Variants in HEXB observed in about 807,000 individuals in gnomAD.
The protein encoded by HEXB is hexosaminidase subunit beta, also known as beta-hexosaminidase subunit beta.
HEXB carries 51 observed loss-of-function variants against 71.2 expected under a neutral mutation model. The observed-to-expected ratio is 0.72, with a 90% CI of 0.57 to 0.90. HEXB has a LOEUF of 0.90. HEXB is among the 40% of genes least tolerant of loss of function. The pLI is 0.00. For missense variants in HEXB, 617 were observed against 677.0 expected (o/e 0.91, Z 0.98); for synonymous variants, 266 against 249.3 (o/e 1.07, Z -0.63).
intron 5 of HEXB, among the ~76,000 whole-genome samples, chr5:74,701,153 G>A (rs1232987482): frequency 6.6e-6 from 1 of 151,916 alleles, no homozygotes; most frequent in Non-Finnish European, 1.5e-5. Flanking sequence ...AAAGTGCTGG[G>A]ATTACAGGCA....
intron 1 of HEXB, among the ~76,000 whole-genome samples, chr5:74,674,342 G>A (rs1465295385): frequency 2.0e-5 from 3 of 152,112 alleles, no homozygotes; most frequent in East Asian, 1.9e-4. Flanking sequence ...GGTGGCTCAA[G>A]CCTGTAATCC....
intron 1 of HEXB, among the ~76,000 whole-genome samples, chr5:74,645,434 T>C (rs542425669): frequency 6.6e-6 from 1 of 152,330 alleles, no homozygotes; most frequent in Admixed American, 6.5e-5. Flanking sequence ...TACAATTGAC[T>C]TTTGTATTAT....
intron 1 of HEXB, among the ~76,000 whole-genome samples, chr5:74,661,479 C>T: frequency 6.7e-6 from 1 of 150,136 alleles, no homozygotes; most frequent in East Asian, 2.0e-4. Flanking sequence ...AGTGGTGTTA[C>T]AACAAAGAAG....
intron 4 of HEXB, 71 bp from the exon 5 acceptor site, chr5:74,696,925 A>G: frequency 3.6e-6 from 3 of 844,930 alleles, no homozygotes; most frequent in Non-Finnish European, 6.0e-6. Context: ...TTGTATAAAT[A>G]GATTTAGTCT....
intron 10 of HEXB, 45 bp downstream of exon 10, chr5:74,718,408 T>A: frequency 7.2e-7 from 1 of 1,394,092 alleles, no homozygotes; most frequent in Non-Finnish European, 1.0e-6. Context: ...AGAGACTTAA[T>A]TATTTTTCTT....
chr5:74,716,502 A>G (rs1749675872), intron 8 of HEXB, 85 bp from the exon 9 acceptor site: 1 of 774,078 alleles, frequency 1.3e-6, no homozygotes, highest in Non-Finnish European at 2.3e-6. Flanking sequence ...AGTCTGCACA[A>G]CTGATGTTAG....
intron 1 of HEXB, among the ~76,000 whole-genome samples, chr5:74,649,347 CT>C (rs112494323): frequency 1.7e-4 from 26 of 152,320 alleles, no homozygotes; most frequent in African/African-American, 6.0e-4. Flanking sequence ...TGGACAGGGA[CT>C]CATTTGTCCA....
intron 6 of HEXB, 176 bp downstream of exon 6, chr5:74,705,496 T>G: frequency 1.7e-6 from 1 of 605,104 alleles, no homozygotes; most frequent in Non-Finnish European, 2.9e-6. Context: ...CTTTTTTTGT[T>G]ATTGTTATAA....
rs1454404113 is a variant in HEXB at position 74,685,292 on chromosome 5, C to G, written c.32C>G (p.Pro11Arg). MELCGLGLPR[P>R]PMLLALLLAT... ...CTGTGCGGGCTGGGGCTGCCCCGGC[C>G]GCCCATGCTGCTGGCGCTGCTGTTG... Residue 11 changes from proline to arginine, a missense_variant, in exon 1 of 14, where the codon CCG (proline) becomes CGG (arginine). Physicochemically the swap from Pro to Arg is moderately radical, Grantham distance 103. Transcript: ENST00000261416. The G allele has an allele frequency of 6.4e-7, 1 of 1,552,868 alleles. No individual in the cohort carries two copies. The highest frequency in any genetic ancestry group is 8.7e-7 in the Non-Finnish European group (1 of 1,153,876).
rs189285712 is a variant in HEXB at position 74,664,083 on chromosome 5, C to T, written c.-377+23525C>T. On this transcript the variant is annotated intron_variant, in intron 1 of 13. Coordinates refer to the HEXB transcript ENST00000511181. ...CCAGGCTGACTAACATGGTGAAACC[C>T]CGTCTCTACTAAATAAAAAAAAATT... Among the ~76,000 whole-genome samples, 35 of 152,046 alleles carry T rather than the reference C, an allele frequency of 2.3e-4. No homozygotes were observed. The East Asian group carries it at 4.1e-3, about 18-fold the overall frequency.
rs201521887 is a variant in HEXB at position 74,715,505 on chromosome 5, T to G, written c.902-5T>G. ...TTTAAAAAGAATCTTAATATTTTCT[T>G]CTAGGTCAGAAAGACCTCCTGACTC... is the stretch of plus-strand genomic sequence containing the variant. On this transcript the variant is annotated splice_polypyrimidine_tract_variant and splice_region_variant and intron_variant, in intron 7 of 13. Transcript: ENST00000261416. 1.7e-5 allele frequency: 27 copies of G among 1,594,526 alleles called. No individual in the cohort carries two copies. The highest frequency in any genetic ancestry group is 2.3e-5 in the Non-Finnish European group (27 of 1,162,226).
At position 74,685,551 on chromosome 5, in the gene HEXB, G is replaced by A; in HGVS notation, c.291G>A (p.Ala97=). The change falls in exon 1 of 14, where the codon GCG becomes GCA. Residue 97 remains alanine (A), a synonymous_variant. Coordinates refer to ENST00000261416, the MANE Select transcript of HEXB (RefSeq NM_000521.4). The part of the protein sequence containing the change: ...AGPSCTLLEE[A]FRRYHGYIFG... ...CCTCCTGCACCCTGCTGGAGGAAGC[G>A]TTTCGACGGTGAGCGCTCCCGGCCC... The A allele has an allele frequency of 1.3e-6, 2 of 1,555,798 alleles. No individual in the cohort carries two copies. The highest frequency in any genetic ancestry group is 1.7e-6 in the Non-Finnish European group (2 of 1,153,794).
At chr5:74,679,602 C>A (rs1748700100) in intron 1 of HEXB, among the ~76,000 whole-genome samples, 1 of 151,944 alleles carries the variant, frequency 6.6e-6, no homozygotes, top group Non-Finnish European at 1.5e-5. Flanking sequence ...GAGTTTGAGA[C>A]CAGCCTGGCC....
chr5:74,719,144 G>GT (rs904935154), intron 11 of HEXB, among the ~76,000 whole-genome samples, 173 bp downstream of exon 11: 2 of 151,952 alleles, frequency 1.3e-5, no homozygotes, highest in Non-Finnish European at 2.9e-5. Context: ...GATTTTATGT[G>GT]TTTTTTTAAG....
rs116470512 is a variant in HEXB at position 74,662,376 on chromosome 5, T to C, written c.-377+21818T>C. On this transcript the variant is annotated intron_variant, in intron 1 of 13. Transcript: ENST00000511181. ...CTTTGCCCATTTTGTTTTGAGTTACTCTGTGAGTGTCATTTAAGCAAAAAT... is the reference window on the plus strand; with the variant it reads ...CTTTGCCCATTTTGTTTTGAGTTACCCTGTGAGTGTCATTTAAGCAAAAAT... Among the ~76,000 whole-genome samples the C allele has an allele frequency of 7.2e-3, 1,103 of 152,364 alleles. 11 individuals carry two copies. Among genetic ancestry groups the C allele is most frequent in the African/African-American group, 0.025 (1,056 of 41,578 alleles).
Position 74,673,092 on chromosome 5 carries a change from G to T in HEXB, c.-376-16236G>T, listed in dbSNP as rs141293285. On this transcript the variant is annotated intron_variant, in intron 1 of 13. Transcript: ENST00000511181. Reference sequence around the variant, plus strand: ...TAAATAGTATTCATTAATAGAAAAGGTAGAGAATTGGGGAACAAGATAGTG... The same window carrying T: ...TAAATAGTATTCATTAATAGAAAAGTTAGAGAATTGGGGAACAAGATAGTG... Among the ~76,000 whole-genome samples, 8 of 152,334 alleles carry T rather than the reference G, an allele frequency of 5.3e-5. No homozygotes were observed. In the East Asian group the frequency reaches 1.5e-3, roughly 29 times the overall value.
intron 2 of HEXB, among the ~76,000 whole-genome samples, chr5:74,692,349 AAAAG>A (rs1257042687): frequency 2.4e-4 from 37 of 151,944 alleles, no homozygotes; most frequent in East Asian, 2.3e-3. Flanking sequence ...AAAAAAAAAA[AAAAG>A]AAAGAGAAAA....
At chr5:74,702,469 TATTC>T (rs1442645237) in intron 5 of HEXB, among the ~76,000 whole-genome samples, 2 of 152,172 alleles carry the variant, frequency 1.3e-5, no homozygotes, top group Non-Finnish European at 2.9e-5. Flanking sequence ...CAGAAGATAA[TATTC>T]AGTTATGCAT....
chr5:74,665,551 G>T (rs1385295916), intron 1 of HEXB, among the ~76,000 whole-genome samples: 1 of 151,736 alleles, frequency 6.6e-6, no homozygotes, highest in Non-Finnish European at 1.5e-5. Flanking sequence ...ACCTACAAAG[G>T]ACTATAAAAA....
Sources: gnomAD v4.1 joint callset for allele counts (sites outside exome capture counted in the v4.1 genomes callset) on GRCh38, gnomAD v4.1.1 for gene constraint, MANE v1.5 for transcripts, NCBI Gene and HGNC (gene_info 2026-07-23, HGNC 2026-07-21) for gene names.